The following WWOX variants were observed in gnomAD, a reference collection of about 807,000 sequenced individuals.
WWOX encodes WW domain containing oxidoreductase.
Under a neutral mutation model 46.2 loss-of-function variants are expected in WWOX, and 69 were observed. That is an observed-to-expected ratio of 1.49 (90% CI 1.23 to 1.82). The LOEUF (loss-of-function observed/expected upper bound fraction) is 1.82. Ranked by LOEUF, WWOX falls within the 40% of genes most tolerant of loss-of-function variation. The pLI is 0.00. For missense variants in WWOX, 919 were observed against 542.6 expected (o/e 1.69, Z -6.89); for synonymous variants, 359 against 202.6 (o/e 1.77, Z -6.56).
intron 8 of WWOX, among the ~76,000 whole-genome samples, chr16:79,164,270 AGTTT>A (rs1422086078): frequency 1.3e-5 from 2 of 152,138 alleles, no homozygotes; most frequent in South Asian, 2.1e-4. Context: ...CTTAGCTCAG[AGTTT>A]GTTTTTTTCC....
chr16:78,554,377 C>T (rs55692239), intron 8 of WWOX, among the ~76,000 whole-genome samples: 3,360 of 152,130 alleles, frequency 0.022, 141 homozygotes, highest in African/African-American at 0.077. Flanking sequence ...AAGGTCTGAT[C>T]GTGAAAATTC....
At chr16:78,160,831 CTTTGTG>C (rs2034769251) in intron 4 of WWOX, among the ~76,000 whole-genome samples, 1 of 152,096 alleles carries the variant, frequency 6.6e-6, no homozygotes, top group Non-Finnish European at 1.5e-5. Flanking sequence ...CTTCTATATA[CTTTGTG>C]TTTGTCTGCT....
chr16:78,423,113 C>A (rs1284683242), intron 6 of WWOX, among the ~76,000 whole-genome samples: 1 of 151,792 alleles, frequency 6.6e-6, no homozygotes, highest in African/African-American at 2.4e-5. Context: ...TCTTGAACTT[C>A]TGACCTCGTG....
At chr16:78,121,642 T>TG (rs1555537882) in intron 4 of WWOX, among the ~76,000 whole-genome samples, 1 of 151,692 alleles carries the variant, frequency 6.6e-6, no homozygotes, top group Non-Finnish European at 1.5e-5. Context: ...TATACAGTAG[T>TG]CCCCCCTTAT....
At chr16:78,956,156 G>A (rs577298670) in intron 8 of WWOX, among the ~76,000 whole-genome samples, 163 of 151,284 alleles carry the variant, frequency 1.1e-3, no homozygotes, top group Non-Finnish European at 1.9e-3. Context: ...GGGGTTTGTT[G>A]TTGTTTTGAG....
At chr16:78,256,510 A>T (rs1336695186) in intron 5 of WWOX, among the ~76,000 whole-genome samples, 2 of 151,886 alleles carry the variant, frequency 1.3e-5, no homozygotes, top group Non-Finnish European at 2.9e-5. Flanking sequence ...GACTTGGAGG[A>T]CAGAGCTTTG....
chr16:78,150,430 G>C (rs902156000), intron 4 of WWOX, among the ~76,000 whole-genome samples: 2 of 152,044 alleles, frequency 1.3e-5, no homozygotes. Flanking sequence ...CAGTGCAGTG[G>C]TGCAATTATG....
chr16:78,123,378 C>T (rs56934720), intron 4 of WWOX: 1 of 143,836 alleles, frequency 7.0e-6, no homozygotes, highest in Non-Finnish European at 1.5e-5. Flanking sequence ...ATTAATACCT[C>T]TGTTTAAGGT....
chr16:78,315,040 C>T (rs973681452), intron 5 of WWOX, among the ~76,000 whole-genome samples: 2 of 152,192 alleles, frequency 1.3e-5, no homozygotes, highest in African/African-American at 4.8e-5. Context: ...GCCTTTCTGT[C>T]TCCATCCACC....
intron 8 of WWOX, among the ~76,000 whole-genome samples, chr16:79,195,339 C>G (rs1597464532): frequency 1.3e-5 from 2 of 151,996 alleles, no homozygotes; most frequent in African/African-American, 4.8e-5. Flanking sequence ...TCCAGTCAAT[C>G]CCAAGGAAAC....
intron 8 of WWOX, among the ~76,000 whole-genome samples, chr16:79,114,549 C>T (rs1231062246): frequency 6.6e-6 from 1 of 151,896 alleles, no homozygotes; most frequent in African/African-American, 2.4e-5. Context: ...CCACCAGGAG[C>T]TGGAAGTGGC....
intron 8 of WWOX, among the ~76,000 whole-genome samples, chr16:79,041,200 C>T (rs868100550): frequency 7.9e-5 from 12 of 152,106 alleles, no homozygotes; most frequent in Middle Eastern, 6.3e-3. Context: ...AAAATAAAAA[C>T]GAATGCAAAA....
chr16:79,182,913 G>A (rs541481736), intron 8 of WWOX, among the ~76,000 whole-genome samples: 2 of 152,324 alleles, frequency 1.3e-5, no homozygotes, highest in South Asian at 4.1e-4. Context: ...GGGCTGATGA[G>A]CATCCTCAGA....
intron 6 of WWOX, among the ~76,000 whole-genome samples, chr16:78,388,729 T>G (rs929456676): frequency 1.3e-5 from 2 of 150,204 alleles, no homozygotes; most frequent in African/African-American, 2.4e-5. Flanking sequence ...CAGCACTTTG[T>G]GAGGCCGAGG....
At chr16:78,416,401 A>G (rs749011783) in intron 6 of WWOX, among the ~76,000 whole-genome samples, 1 of 152,222 alleles carries the variant, frequency 6.6e-6, no homozygotes, top group Non-Finnish European at 1.5e-5. Flanking sequence ...TTATAGTTTC[A>G]TATTCCACAA....
At chr16:78,704,892 T>A (rs1472949838) in intron 8 of WWOX, among the ~76,000 whole-genome samples, 4 of 150,808 alleles carry the variant, frequency 2.7e-5, no homozygotes, top group Non-Finnish European at 5.9e-5. Flanking sequence ...TTTTTTTAAT[T>A]GCTGCTTCTT....
At chr16:78,728,048 C>CCCCT (rs1555524548) in intron 8 of WWOX, among the ~76,000 whole-genome samples, 2 of 89,454 alleles carry the variant, frequency 2.2e-5, no homozygotes, top group African/African-American at 4.8e-5. Flanking sequence ...TCCTCTCTCC[C>CCCCT]TCCTTCCTTT....
chr16:78,764,155 C>T (rs982994699), intron 8 of WWOX, among the ~76,000 whole-genome samples: 1 of 152,180 alleles, frequency 6.6e-6, no homozygotes, highest in Non-Finnish European at 1.5e-5. Context: ...CTGTGTTTCT[C>T]CTGTACTCAG....
chr16:78,602,211 T>C (rs1056510119), intron 8 of WWOX, among the ~76,000 whole-genome samples: 3 of 152,192 alleles, frequency 2.0e-5, no homozygotes, highest in Non-Finnish European at 4.4e-5. Context: ...CGTATTTTAT[T>C]CTCCTGTTCT....
Sources: gnomAD v4.1 joint callset for allele counts (sites outside exome capture counted in the v4.1 genomes callset) on GRCh38, gnomAD v4.1.1 for gene constraint, MANE v1.5 for transcripts, NCBI Gene and HGNC (gene_info 2026-07-23, HGNC 2026-07-21) for gene names.